Variants in NSG1 observed in about 807,000 individuals in gnomAD.
NSG1 encodes neuronal vesicle trafficking associated 1.
Under a neutral mutation model 19.3 loss-of-function variants are expected in NSG1, and 9 were observed. That is an observed-to-expected ratio of 0.47 (90% CI 0.28 to 0.81). NSG1 has a LOEUF of 0.81. Ranked by LOEUF, NSG1 falls within the 40% of genes least tolerant of loss-of-function variation. The probability of loss-of-function intolerance (pLI) is 0.11; values close to 1 mark genes in which losing one functional copy is unlikely to be tolerated. For synonymous variants in NSG1, 104 were observed against 107.0 expected, an observed-to-expected ratio of 0.97 and a Z score of 0.17; for missense variants, 236 against 242.4, an observed-to-expected ratio of 0.97 and a Z score of 0.18.
At position 4,417,509 on chromosome 4, in the gene NSG1, T is replaced by C; in HGVS notation, c.*74T>C. 2 of 1,334,072 alleles carry C rather than the reference T, an allele frequency of 1.5e-6. No individual in the cohort carries two copies. The highest frequency in any genetic ancestry group is 2.1e-6 in the Non-Finnish European group (2 of 935,312). The allele number at this position is 1,334,072 out of a possible 1,614,324, so 82.6% of individuals were successfully genotyped here. On this transcript the variant is annotated 3_prime_UTR_variant, in exon 5 of 5. Coordinates refer to ENST00000621129, the MANE Select transcript of NSG1 (RefSeq NM_014392.5). Reference sequence around the variant, plus strand: ...ACTTTGAGGGACATTTCATTAAATATAATTACTGATACTTTAGAGGTTACT... The same window carrying C: ...ACTTTGAGGGACATTTCATTAAATACAATTACTGATACTTTAGAGGTTACT...
At chr4:4,416,145 C>A in intron 4 of NSG1, 1 of 702,422 alleles carries the variant, frequency 1.4e-6, no homozygotes, top group Non-Finnish European at 2.6e-6. Flanking sequence ...TCATTGGCCG[C>A]ATTTTATAGG....
At chr4:4,403,475 T>C (rs1723679642) in intron 3 of NSG1, among the ~76,000 whole-genome samples, 1 of 152,190 alleles carries the variant, frequency 6.6e-6, no homozygotes, top group Non-Finnish European at 1.5e-5. Context: ...TGCTCTTTTC[T>C]CTGTCTTCAA....
chr4:4,406,829 A>G (rs1723886053), intron 3 of NSG1, among the ~76,000 whole-genome samples: 1 of 151,936 alleles, frequency 6.6e-6, no homozygotes, highest in Non-Finnish European at 1.5e-5. Flanking sequence ...GCCTGTCCCA[A>G]CCCCAGGCAC....
intron 4 of NSG1, among the ~76,000 whole-genome samples, chr4:4,414,910 A>T (rs1469729734): frequency 1.3e-5 from 2 of 152,122 alleles, no homozygotes; most frequent in African/African-American, 4.8e-5. Context: ...TGAAAAAGGC[A>T]GACGTGGCCC....
intron 3 of NSG1, among the ~76,000 whole-genome samples, chr4:4,402,394 T>C (rs1394609325): frequency 9.2e-6 from 1 of 109,180 alleles, no homozygotes; most frequent in African/African-American, 5.1e-5. Flanking sequence ...TTTTTTTTTT[T>C]TTTTTTTTTT....
intron 3 of NSG1, among the ~76,000 whole-genome samples, chr4:4,399,966 C>T (rs1379223564): frequency 6.6e-6 from 1 of 152,226 alleles, no homozygotes; most frequent in Admixed American, 6.5e-5. Context: ...TCATCTCCTG[C>T]TGTGCAGACC....
At chr4:4,394,475 G>C (rs1185048601) in intron 3 of NSG1, among the ~76,000 whole-genome samples, 1 of 152,084 alleles carries the variant, frequency 6.6e-6, no homozygotes, top group Non-Finnish European at 1.5e-5. Flanking sequence ...TCTTCTCTTT[G>C]GGTGTGAAAC....
chr4:4,402,647 C>T (rs1255557244), intron 3 of NSG1, among the ~76,000 whole-genome samples: 2 of 152,206 alleles, frequency 1.3e-5, no homozygotes, highest in African/African-American at 4.8e-5. Context: ...CTCGGCCTCC[C>T]AAAGGGCTGG....
chr4:4,407,834 T>TA (rs1431685233), intron 3 of NSG1, among the ~76,000 whole-genome samples: 1 of 152,088 alleles, frequency 6.6e-6, no homozygotes, highest in African/African-American at 2.4e-5. Context: ...GTGAGGCTGG[T>TA]AAGCTGCGAA....
At chr4:4,415,936 CTGTT>C (rs1479289326) in intron 4 of NSG1, 5 of 605,314 alleles carry the variant, frequency 8.3e-6, no homozygotes, top group Non-Finnish European at 1.5e-5. Context: ...TCTGAATGGG[CTGTT>C]TGTTCTGTAG....
intron 3 of NSG1, among the ~76,000 whole-genome samples, chr4:4,409,098 G>A (rs1390253561): frequency 1.3e-5 from 2 of 152,224 alleles, no homozygotes; most frequent in Non-Finnish European, 2.9e-5. Context: ...CTGGTCCCAC[G>A]CAAAAGCAGG....
At chr4:4,394,513 A>G (rs1723155209) in intron 3 of NSG1, among the ~76,000 whole-genome samples, 1 of 152,012 alleles carries the variant, frequency 6.6e-6, no homozygotes, top group Non-Finnish European at 1.5e-5. Context: ...GGCAAGGTCC[A>G]TTGGTGTGGC....
intron 2 of NSG1, 113 bp downstream of exon 2, chr4:4,387,871 C>A (rs908965541): frequency 5.3e-5 from 47 of 890,680 alleles, no homozygotes; most frequent in Non-Finnish European, 7.3e-5. Flanking sequence ...TGGGGGCGGG[C>A]TCGGGAGGCC....
At chr4:4,398,975 C>A (rs1297925362) in intron 3 of NSG1, among the ~76,000 whole-genome samples, 1 of 152,160 alleles carries the variant, frequency 6.6e-6, no homozygotes, top group Non-Finnish European at 1.5e-5. Context: ...TTTATTATAG[C>A]CATCCTAGTG....
At position 4,403,598 on chromosome 4, in the gene NSG1, C is replaced by T. The variant is rs756529892; in HGVS notation, c.247-5975C>T. ...AGGATAATCTCCTCTTCTCAAGGTC[C>T]TTGACTTGATTGAATCAGCAAAGTC... On this transcript the variant is annotated intron_variant, in intron 3 of 4. Transcript: ENST00000621129. Among the ~76,000 whole-genome samples the T allele has an allele frequency of 3.9e-5, 6 of 152,180 alleles. No homozygotes were observed. The South Asian group carries it at 1.2e-3, about 32-fold the overall frequency.
chr4:4,414,072 C>T (rs1313549497), intron 4 of NSG1, among the ~76,000 whole-genome samples: 1 of 152,080 alleles, frequency 6.6e-6, no homozygotes, highest in African/African-American at 2.4e-5. Flanking sequence ...TAACTGAGGC[C>T]AGTGGCTTCA....
rs7673866 is a variant in NSG1 at position 4,418,610 on chromosome 4, A to G, written c.*1175A>G. On this transcript the variant is annotated 3_prime_UTR_variant, in exon 5 of 5. Transcript: ENST00000621129. ...AAAGACATTCGCAGACATTTCTTCT[A>G]TGTTATTGAATGTGTTGTTTCTGGT... 0.036 allele frequency: 5,508 copies of G among 152,692 alleles called. 148 individuals carry two copies. The highest frequency in any genetic ancestry group is 0.08 in the African/African-American group (3,302 of 41,524). 9.5% of individuals were successfully genotyped at this position (152,692 alleles called of 1,614,324 possible).
chr4:4,409,393 C>A (rs986198029), intron 3 of NSG1, among the ~76,000 whole-genome samples, 180 bp from the exon 4 acceptor site: 1 of 152,210 alleles, frequency 6.6e-6, no homozygotes, highest in Admixed American at 6.5e-5. Flanking sequence ...TAAAATGTTA[C>A]CAAAAAATTG....
chr4:4,408,167 G>A (rs77516017), intron 3 of NSG1, among the ~76,000 whole-genome samples: 4 of 152,140 alleles, frequency 2.6e-5, no homozygotes, highest in African/African-American at 7.2e-5. Flanking sequence ...CTGCTGGAGG[G>A]TCTACCCAGT....
Sources: allele counts gnomAD v4.1 joint callset (sites outside exome capture counted in the v4.1 genomes callset), GRCh38; gene constraint gnomAD v4.1.1; transcripts MANE v1.5; gene names NCBI Gene and HGNC (gene_info 2026-07-23, HGNC 2026-07-21).